The following JAKMIP3 variants were observed in gnomAD, a reference collection of about 807,000 sequenced individuals.
The protein encoded by JAKMIP3 is Janus kinase and microtubule interacting protein 3.
In JAKMIP3, 58 loss-of-function variants were observed where a neutral mutation model predicts 118.5. The ratio of observed to expected loss-of-function variants is 0.49; its 90% CI spans 0.40 to 0.61. The LOEUF is 0.61. Ranked by LOEUF, JAKMIP3 falls within the 20% of genes least tolerant of loss-of-function variation. The probability of loss-of-function intolerance (pLI) is 0.00; values close to 1 mark genes in which losing one functional copy is unlikely to be tolerated. For missense variants in JAKMIP3, 950 were observed against 1,109.0 expected, an observed-to-expected ratio of 0.86 and a Z score of 2.04; for synonymous variants, 486 against 451.2, an observed-to-expected ratio of 1.08 and a Z score of -0.98.
intron 1 of JAKMIP3, among the ~76,000 whole-genome samples, chr10:132,076,418 C>T (rs1342429053): frequency 6.6e-6 from 1 of 152,282 alleles, no homozygotes; most frequent in Non-Finnish European, 1.5e-5. Context: ...AGTTGACTGA[C>T]GTTTGGGTCA....
chr10:132,078,798 C>T (rs1405065107), intron 1 of JAKMIP3, among the ~76,000 whole-genome samples: 1 of 148,096 alleles, frequency 6.8e-6, no homozygotes, highest in Admixed American at 7.0e-5. Flanking sequence ...AAGCTGCTCC[C>T]TTGGCCCGGC....
intron 8 of JAKMIP3, among the ~76,000 whole-genome samples, chr10:132,137,805 T>A (rs1302535272): frequency 6.6e-6 from 1 of 152,200 alleles, no homozygotes; most frequent in Non-Finnish European, 1.5e-5. Flanking sequence ...CCTTCCAGCT[T>A]CCCACAACTG....
At chr10:132,156,174 C>T (rs1298651565) in intron 19 of JAKMIP3, among the ~76,000 whole-genome samples, 2 of 152,192 alleles carry the variant, frequency 1.3e-5, no homozygotes, top group South Asian at 2.1e-4. Flanking sequence ...CTTGCTGAGG[C>T]GACAGGTCCT....
chr10:132,133,669 C>T, intron 4 of JAKMIP3, 142 bp downstream of exon 4: 1 of 707,318 alleles, frequency 1.4e-6, no homozygotes, highest in African/African-American at 1.8e-5. Context: ...CACCTCCCCA[C>T]CCAGCCTGGC....
chr10:132,075,980 G>GT (rs2040726051), intron 1 of JAKMIP3, among the ~76,000 whole-genome samples: 1 of 152,046 alleles, frequency 6.6e-6, no homozygotes, highest in African/African-American at 2.4e-5. Flanking sequence ...TTTACTTCTC[G>GT]TTTTTTGTTT....
In JAKMIP3 at chr10:132,179,467, G is replaced by A. The variant is rs367876049; in HGVS notation, c.*1104-2890G>A. 1.6e-3 allele frequency among the ~76,000 whole-genome samples: 250 copies of A among 152,206 alleles called. 5 individuals carry two copies. In the South Asian group the frequency reaches 0.021, roughly 13 times the overall value. On this transcript the variant is annotated intron_variant, in intron 23 of 23. Transcript: ENST00000684848. The surrounding 1 kb of genome is among the most constrained non-coding windows in gnomAD (Gnocchi z 4.3). The stretch of plus-strand genomic sequence containing the variant: ...AGCTCTTGGGATGAGGATTATCTGG[G>A]TTTCTCCCGCGGAACCCTTACTGTG...
chr10:132,137,832 C>T (rs1407514076), intron 8 of JAKMIP3, among the ~76,000 whole-genome samples: 3 of 152,254 alleles, frequency 2.0e-5, no homozygotes. Context: ...CCTCAAGTCA[C>T]CTGCCCCGTG....
chr10:132,039,913 A>G (rs554732782), intron 1 of JAKMIP3, among the ~76,000 whole-genome samples: 1 of 152,334 alleles, frequency 6.6e-6, no homozygotes, highest in East Asian at 1.9e-4. Context: ...CCATGACACT[A>G]AGCACTTGGG....
chr10:132,042,733 C>T (rs2037799553), intron 1 of JAKMIP3, among the ~76,000 whole-genome samples: 1 of 152,066 alleles, frequency 6.6e-6, no homozygotes, highest in Non-Finnish European at 1.5e-5. Flanking sequence ...AGCTCTCTGC[C>T]ATTGTAACTC....
At chr10:132,038,961 G>T (rs1018384119) in intron 1 of JAKMIP3, among the ~76,000 whole-genome samples, 1 of 152,146 alleles carries the variant, frequency 6.6e-6, no homozygotes, top group Admixed American at 6.5e-5. Flanking sequence ...AGCTGCAGAG[G>T]CAGGTGGAGG....
intron 19 of JAKMIP3, among the ~76,000 whole-genome samples, chr10:132,158,943 G>GT (rs1437965057): frequency 7.5e-6 from 1 of 132,640 alleles, no homozygotes; most frequent in Admixed American, 7.5e-5. Flanking sequence ...TGATGCTGGG[G>GT]GGGGGGACCT....
At chr10:132,036,558 C>T (rs1385285620), upstream of JAKMIP3, among the ~76,000 whole-genome samples, 4 of 151,790 alleles carry the variant, frequency 2.6e-5, no homozygotes, top group Non-Finnish European at 5.9e-5. Context: ...AGGATCGCGG[C>T]GGGGGCCGTC....
intron 1 of JAKMIP3, among the ~76,000 whole-genome samples, chr10:132,100,196 C>T (rs546129802): frequency 3.3e-5 from 4 of 119,528 alleles, no homozygotes; most frequent in South Asian, 5.6e-4. Context: ...CAGACCCCCA[C>T]ACAGGTCCCT....
intron 1 of JAKMIP3, among the ~76,000 whole-genome samples, chr10:132,098,916 C>CA (rs1209682825): frequency 6.6e-6 from 1 of 152,226 alleles, no homozygotes; most frequent in Non-Finnish European, 1.5e-5. Context: ...GGTGTTCTTA[C>CA]ACTCACCTGG....
chr10:132,134,853 G>A (rs1295347540), intron 4 of JAKMIP3, among the ~76,000 whole-genome samples, 188 bp from the exon 5 acceptor site: 3 of 152,340 alleles, frequency 2.0e-5, no homozygotes, highest in African/African-American at 2.4e-5. Context: ...TGCCTCACGC[G>A]GTTGCGGCAA....
At chr10:132,045,933 TAA>T (rs5789110) in intron 1 of JAKMIP3, among the ~76,000 whole-genome samples, 3 of 144,142 alleles carry the variant, frequency 2.1e-5, no homozygotes, top group Admixed American at 6.9e-5. Context: ...GATCCTGTCT[TAA>T]AAAAAAAAAA....
chr10:132,180,724 T>TGTGTGTGC (rs2061155101), intron 23 of JAKMIP3, among the ~76,000 whole-genome samples: 1 of 19,110 alleles, frequency 5.2e-5, no homozygotes, highest in African/African-American at 2.7e-4. Context: ...TGTGTGCGTG[T>TGTGTGTGC]GTGTGCGTGT....
rs991542047 is a variant in JAKMIP3, at chr10:132,145,223, G to A, written c.1686+33G>A. On this transcript the variant is annotated intron_variant, in intron 12 of 23. Coordinates refer to ENST00000684848, the MANE Select transcript of JAKMIP3 (RefSeq NM_001323087.2). ...TGCAGCCATCTGCACGGGCGTGGGG[G>A]CACACGTGGGTGGGAGGTATTTGGC... The A allele has an allele frequency of 2.0e-6, 3 of 1,527,056 alleles. No homozygotes were observed. In the Admixed American group the frequency reaches 5.5e-5, roughly 28 times the overall value. 94.6% of individuals were successfully genotyped at this position (1,527,056 alleles called of 1,614,324 possible). A position where few individuals can be genotyped will look rare whatever the true frequency, so the allele number is the denominator to read the frequency against.
intron 1 of JAKMIP3, among the ~76,000 whole-genome samples, chr10:132,069,173 G>A (rs1249580600): frequency 6.6e-6 from 1 of 152,134 alleles, no homozygotes; most frequent in Non-Finnish European, 1.5e-5. Flanking sequence ...CCTGCCTGGT[G>A]GGTGGTTGAC....
Sources: gnomAD v4.1 joint callset for allele counts (sites outside exome capture counted in the v4.1 genomes callset) on GRCh38, gnomAD v4.1.1 for gene constraint, Gnocchi (gnomAD v3.1) non-coding constraint, MANE v1.5 for transcripts, NCBI Gene and HGNC (gene_info 2026-07-23, HGNC 2026-07-21) for gene names.